Variants in NTM observed in about 807,000 individuals in gnomAD.
NTM encodes neurotrimin.
A neutral mutation model predicts 42.1 loss-of-function variants in NTM; 13 were observed. The observed-to-expected ratio is 0.31, with a 90% CI of 0.20 to 0.49. The LOEUF (loss-of-function observed/expected upper bound fraction) is 0.49, where lower values mean the gene tolerates loss of function less well. Among genes scored for constraint, NTM ranks in the 20% least tolerant of loss-of-function variants. NTM has a pLI of 0.99. For synonymous variants in NTM, 187 were observed against 179.2 expected, an observed-to-expected ratio of 1.04 and a Z score of -0.35; for missense variants, 373 against 452.8, an observed-to-expected ratio of 0.82 and a Z score of 1.60.
intron 1 of NTM, among the ~76,000 whole-genome samples, chr11:131,565,284 GT>G (rs2056754818): frequency 6.6e-6 from 1 of 152,140 alleles, no homozygotes; most frequent in Non-Finnish European, 1.5e-5. Flanking sequence ...GTTTCTCATT[GT>G]CTGTGCCCTT....
chr11:131,885,603 A>C (rs2050263260), intron 1 of NTM, among the ~76,000 whole-genome samples: 1 of 152,124 alleles, frequency 6.6e-6, no homozygotes, highest in Non-Finnish European at 1.5e-5. Flanking sequence ...CACCCCATCC[A>C]ATTCCATTTT....
At position 132,146,173 on chromosome 11, in the gene NTM, T is replaced by G; in HGVS notation, c.168-109T>G. 1 of 1,476,700 alleles carries G rather than the reference T, an allele frequency of 6.8e-7. No homozygotes were observed. Among genetic ancestry groups the G allele is most frequent in the Non-Finnish European group, 9.1e-7 (1 of 1,100,138 alleles). The allele number at this position is 1,476,700 out of a possible 1,614,324, so 91.5% of individuals were successfully genotyped here. On this transcript the variant is annotated intron_variant, in intron 2 of 8. Coordinates refer to ENST00000683400, the MANE Select transcript of NTM (RefSeq NM_001352005.2). The surrounding 1 kb of genome is among the most constrained non-coding windows in gnomAD (Gnocchi z 4.5). ...GACAAATCAAAGGAAATGTATGTGT[T>G]GGGGGAAGGGAGAAAGACAAGATAT...
rs150030631 is a variant in NTM, at chr11:132,091,149, G to A, written c.168-55133G>A. Reference sequence around the variant, plus strand: ...CCTAGCTTATAATCCTAGCACTTTCGGAGGTTGAAGTAGGAAGATTGCTTG... The same window carrying A: ...CCTAGCTTATAATCCTAGCACTTTCAGAGGTTGAAGTAGGAAGATTGCTTG... On this transcript the variant is annotated intron_variant, in intron 2 of 8. Coordinates refer to ENST00000683400, the MANE Select transcript of NTM (RefSeq NM_001352005.2). 3.2e-4 allele frequency among the ~76,000 whole-genome samples: 49 copies of A among 152,170 alleles called. No homozygotes were observed. The East Asian group carries it at 7.6e-3, about 24-fold the overall frequency.
chr11:132,313,798 T>G (rs1226286210), intron 6 of NTM, among the ~76,000 whole-genome samples: 1 of 152,140 alleles, frequency 6.6e-6, no homozygotes, highest in East Asian at 1.9e-4. Flanking sequence ...GTGGCATTTC[T>G]GTAGTGGCCC....
At chr11:132,217,356 T>G (rs148086201) in intron 4 of NTM, among the ~76,000 whole-genome samples, 6,940 of 134,908 alleles carry the variant, frequency 0.051, 181 homozygotes, top group Middle Eastern at 0.08. Context: ...CTCTCTCTCT[T>G]TCTGTGTGTG....
intron 1 of NTM, among the ~76,000 whole-genome samples, chr11:131,835,905 C>T (rs1431465338): frequency 1.3e-5 from 2 of 152,088 alleles, no homozygotes; most frequent in African/African-American, 4.8e-5. Flanking sequence ...ATACACATGT[C>T]ATAGAAGAGT....
chr11:132,317,004 C>G (rs1488255449), intron 7 of NTM, among the ~76,000 whole-genome samples: 2 of 152,144 alleles, frequency 1.3e-5, no homozygotes, highest in Non-Finnish European at 2.9e-5. Flanking sequence ...ATTTTGCCAC[C>G]AACTTGTGCA....
At chr11:132,279,509 C>A (rs2093882815) in intron 4 of NTM, among the ~76,000 whole-genome samples, 1 of 152,172 alleles carries the variant, frequency 6.6e-6, no homozygotes. Context: ...ACTTAATGCT[C>A]ACCAGAACTT....
chr11:131,916,195 A>G (rs1213778404), intron 2 of NTM, among the ~76,000 whole-genome samples: 2 of 152,176 alleles, frequency 1.3e-5, no homozygotes, highest in African/African-American at 4.8e-5. Flanking sequence ...TCCTGGGTGG[A>G]AGTGAGCAGA....
chr11:131,444,177 G>A (rs1187543947), intron 1 of NTM, among the ~76,000 whole-genome samples: 1 of 114,008 alleles, frequency 8.8e-6, no homozygotes, highest in East Asian at 3.0e-4. Flanking sequence ...AAACCCTGAT[G>A]CTCAACAGTG....
chr11:132,079,701 T>TG (rs2058788180), intron 2 of NTM, among the ~76,000 whole-genome samples: 1 of 152,210 alleles, frequency 6.6e-6, no homozygotes, highest in Non-Finnish European at 1.5e-5. Flanking sequence ...GTAACCTGGT[T>TG]GCATGTTCCT....
intron 1 of NTM, among the ~76,000 whole-genome samples, chr11:131,558,422 A>G (rs780610513): frequency 1.3e-5 from 2 of 152,140 alleles, no homozygotes; most frequent in African/African-American, 4.8e-5. Flanking sequence ...TCTAATCCTC[A>G]GGGTTTTATA....
At chr11:131,717,523 G>A (rs921317213) in intron 1 of NTM, among the ~76,000 whole-genome samples, 5 of 152,008 alleles carry the variant, frequency 3.3e-5, no homozygotes, top group Admixed American at 1.3e-4. Context: ...TCAATTTCAC[G>A]TTGCTCATTA....
At chr11:131,802,896 AT>A (rs1458248928) in intron 1 of NTM, among the ~76,000 whole-genome samples, 3 of 152,208 alleles carry the variant, frequency 2.0e-5, no homozygotes, top group Non-Finnish European at 1.5e-5. Context: ...GCTGTTGAGA[AT>A]TGTGAAAGGG....
intron 1 of NTM, among the ~76,000 whole-genome samples, chr11:131,580,810 T>A (rs1240394490): frequency 6.6e-6 from 1 of 152,180 alleles, no homozygotes; most frequent in Admixed American, 6.5e-5. Flanking sequence ...CTTGTAGAGA[T>A]GAAAAAAGAA....
At position 132,244,359 on chromosome 11, in the gene NTM, G is replaced by C. The variant is rs186881195; in HGVS notation, c.526+32212G>C. On this transcript the variant is annotated intron_variant, in intron 4 of 8. Transcript: ENST00000683400. ...TTTGAATATTAAAGACAGCTGCGAG[G>C]AAAGGTGAGCTTATTTCATCTGGAG... is the stretch of plus-strand genomic sequence containing the variant. Among the ~76,000 whole-genome samples the C allele has an allele frequency of 3.7e-3, 567 of 152,318 alleles. 1 individual carries two copies. Among genetic ancestry groups the C allele is most frequent in the Non-Finnish European group, 5.8e-3 (394 of 68,024 alleles).
intron 1 of NTM, among the ~76,000 whole-genome samples, chr11:131,416,433 C>A (rs1946963288): frequency 6.6e-6 from 1 of 152,174 alleles, no homozygotes; most frequent in African/African-American, 2.4e-5. Flanking sequence ...CTTTGTCAAA[C>A]ACACGGTTGC....
intron 3 of NTM, among the ~76,000 whole-genome samples, chr11:132,203,901 AAAAC>A (rs1210146355): frequency 8.1e-6 from 1 of 123,344 alleles, no homozygotes; most frequent in Non-Finnish European, 1.6e-5. Context: ...TCCATCTCAA[AAAAC>A]AAAAAACAGC....
chr11:132,148,388 C>A (rs1272647078), intron 3 of NTM, among the ~76,000 whole-genome samples: 1 of 152,096 alleles, frequency 6.6e-6, no homozygotes, highest in Non-Finnish European at 1.5e-5. Context: ...GCCCTGGTGC[C>A]ACCATCTGCA....
Sources: allele counts gnomAD v4.1 joint callset (sites outside exome capture counted in the v4.1 genomes callset), GRCh38; gene constraint gnomAD v4.1.1; non-coding constraint Gnocchi (gnomAD v3.1); transcripts MANE v1.5; gene names NCBI Gene and HGNC (gene_info 2026-07-23, HGNC 2026-07-21).